The following TMEM65 variants were observed in gnomAD, a reference collection of about 807,000 sequenced individuals.
TMEM65 encodes the protein transmembrane protein 65.
Under a neutral mutation model 25.4 loss-of-function variants are expected in TMEM65, and 22 were observed. That is an observed-to-expected ratio of 0.86 (90% CI 0.62 to 1.23). The LOEUF is 1.23. Among genes scored for constraint, TMEM65 ranks in the 50% most tolerant of loss-of-function variants. The pLI, the probability that TMEM65 is intolerant of heterozygous loss-of-function variation, is 0.00. For synonymous variants in TMEM65, 132 were observed against 126.2 expected (o/e 1.05, Z -0.31); for missense variants, 262 against 308.2 (o/e 0.85, Z 1.12).
chr8:124,346,439 A>T (rs1554590292), intron 1 of TMEM65, among the ~76,000 whole-genome samples: 1 of 152,116 alleles, frequency 6.6e-6, no homozygotes, highest in African/African-American at 2.4e-5. Context: ...TATTTTTTTT[A>T]TTATGCTTTC....
At chr8:124,334,847 GAA>G (rs1179408436) in intron 1 of TMEM65, among the ~76,000 whole-genome samples, 1 of 148,978 alleles carries the variant, frequency 6.7e-6, no homozygotes, top group African/African-American at 2.5e-5. Flanking sequence ...GAAGGTGAGA[GAA>G]GAGTTAGTGA....
intron 6 of TMEM65, among the ~76,000 whole-genome samples, chr8:124,314,813 C>T (rs957364232): frequency 1.6e-4 from 24 of 151,694 alleles, no homozygotes; most frequent in Non-Finnish European, 4.4e-5. Flanking sequence ...ACACATGCCA[C>T]TATGCCTAGA....
chr8:124,360,429 C>CAAAAAA (rs55829098), intron 1 of TMEM65, among the ~76,000 whole-genome samples: 1 of 70,626 alleles, frequency 1.4e-5, no homozygotes, highest in Non-Finnish European at 2.8e-5. Context: ...GACTCTGTCA[C>CAAAAAA]AAAAAAAAAA....
intron 1 of TMEM65, among the ~76,000 whole-genome samples, chr8:124,344,601 T>C (rs777086756): frequency 6.6e-6 from 1 of 152,328 alleles, no homozygotes; most frequent in African/African-American, 2.4e-5. Flanking sequence ...TCTGGTATGA[T>C]AGAAAGTCAG....
intron 3 of TMEM65, among the ~76,000 whole-genome samples, chr8:124,325,776 G>A (rs1586458728): frequency 6.6e-6 from 1 of 152,012 alleles, no homozygotes; most frequent in East Asian, 1.9e-4. Flanking sequence ...GAATGTGGGT[G>A]TTTGGTTTGG....
chr8:124,366,250 T>C (rs1367486825), intron 1 of TMEM65, among the ~76,000 whole-genome samples: 2 of 152,126 alleles, frequency 1.3e-5, no homozygotes, highest in East Asian at 1.9e-4. Flanking sequence ...TAATACAAAG[T>C]CTTACAGCTT....
chr8:124,351,165 T>C (rs1814702422), intron 1 of TMEM65: 1 of 925,032 alleles, frequency 1.1e-6, no homozygotes, highest in Non-Finnish European at 1.3e-6. Flanking sequence ...ACAAAATAAA[T>C]AATATATATA....
At chr8:124,338,464 CAA>C (rs1449420100) in intron 1 of TMEM65, among the ~76,000 whole-genome samples, 9 of 152,010 alleles carry the variant, frequency 5.9e-5, no homozygotes, top group Admixed American at 5.9e-4. Context: ...CAAAGTATGT[CAA>C]GTTACCCCCA....
intron 3 of TMEM65, among the ~76,000 whole-genome samples, chr8:124,326,625 G>A (rs962583558): frequency 2.0e-5 from 3 of 151,982 alleles, no homozygotes; most frequent in South Asian, 4.1e-4. Context: ...ATAAGCTGTA[G>A]CTAACACTTG....
intron 1 of TMEM65, among the ~76,000 whole-genome samples, chr8:124,358,531 C>T (rs1342924805): frequency 6.6e-6 from 1 of 152,166 alleles, no homozygotes; most frequent in Non-Finnish European, 1.5e-5. Flanking sequence ...CTGTTCAAAC[C>T]ACATTCAAAT....
rs369177185 is a variant in TMEM65 at position 124,306,979 on chromosome 8, C to T, written c.*6981G>A. ...AAAAAAAAGTTAAAATTTATCAAAACTTAACGCATACACAGACTATACATT... is the reference window on the plus strand; with the variant it reads ...AAAAAAAAGTTAAAATTTATCAAAATTTAACGCATACACAGACTATACATT... On this transcript the variant is annotated 3_prime_UTR_variant, in exon 7 of 7. Transcript: ENST00000297632. The T allele has an allele frequency of 6.6e-6, 1 of 151,920 alleles. No homozygotes were observed. Among genetic ancestry groups the T allele is most frequent in the Admixed American group, 6.6e-5 (1 of 15,234 alleles). 9.4% of individuals were successfully genotyped at this position (151,920 alleles called of 1,614,324 possible). A position where few individuals can be genotyped will look rare whatever the true frequency, so the allele number is the denominator to read the frequency against.
intron 1 of TMEM65, among the ~76,000 whole-genome samples, chr8:124,333,466 TGTGC>T (rs1435801941): frequency 6.0e-5 from 5 of 83,180 alleles, no homozygotes; most frequent in Admixed American, 1.5e-4. Context: ...TGTGTGTGTG[TGTGC>T]GTGTGTGTGT....
chr8:124,348,748 T>C (rs1814671572), intron 1 of TMEM65, among the ~76,000 whole-genome samples: 1 of 152,194 alleles, frequency 6.6e-6, no homozygotes, highest in South Asian at 2.1e-4. Flanking sequence ...ATATATTACC[T>C]TCTTTTTCAA....
intron 1 of TMEM65, among the ~76,000 whole-genome samples, chr8:124,339,222 A>AAAAAAAAT (rs1563594368): frequency 2.0e-4 from 4 of 19,904 alleles, no homozygotes; most frequent in African/African-American, 5.3e-4. Context: ...AAAAAAAAAA[A>AAAAAAAAT]ATATATATAT....
intron 1 of TMEM65, among the ~76,000 whole-genome samples, chr8:124,368,537 T>C (rs1425735232): frequency 6.6e-6 from 1 of 152,266 alleles, no homozygotes; most frequent in Non-Finnish European, 1.5e-5. Flanking sequence ...GCTTCCAGCT[T>C]AGGTGCCCAC....
chr8:124,363,836 CAAAAAAAAAAAAAAA>C (rs869161640), intron 1 of TMEM65, among the ~76,000 whole-genome samples: 9 of 55,716 alleles, frequency 1.6e-4, no homozygotes, highest in South Asian at 9.9e-4. Context: ...GACTCCGTCT[CAAAAAAAAAAAAAAA>C]AAAAAAAAAA....
rs559280029 is a variant in TMEM65, at chr8:124,330,503, C to A, written c.349+245G>T. On this transcript the variant is annotated intron_variant, in intron 2 of 6. Coordinates refer to ENST00000297632, the MANE Select transcript of TMEM65 (RefSeq NM_194291.3). ...GAAAACTTCTATCATAAAAATAATT[C>A]TATTTCTAAATGGCAACAATATTTT... Among the ~76,000 whole-genome samples the A allele has an allele frequency of 1.2e-4, 18 of 151,944 alleles. 1 individual carries two copies. In the South Asian group the frequency reaches 3.7e-3, roughly 32 times the overall value.
intron 1 of TMEM65, among the ~76,000 whole-genome samples, chr8:124,353,176 C>G (rs6993858): frequency 0.9 from 136,827 of 152,062 alleles, 61,673 homozygotes; most frequent in East Asian, 1. Flanking sequence ...CTTCCACACA[C>G]TAAGGGGAAG....
rs765870655 is a variant in TMEM65, at chr8:124,322,076, T to G, written c.515+29A>C. 3.8e-6 allele frequency: 6 copies of G among 1,563,568 alleles called. 1 individual carries two copies. The South Asian group carries it at 6.9e-5, about 18-fold the overall frequency. On this transcript the variant is annotated intron_variant, in intron 5 of 6. Coordinates refer to ENST00000297632, the MANE Select transcript of TMEM65 (RefSeq NM_194291.3). ...GAACAGAAAGACAGCAAGTACAGAA[T>G]ATACAAATGAATAAGTGAATGAACC... is the stretch of plus-strand genomic sequence containing the variant.
Sources: allele counts gnomAD v4.1 joint callset (sites outside exome capture counted in the v4.1 genomes callset), GRCh38; gene constraint gnomAD v4.1.1; transcripts MANE v1.5; gene names NCBI Gene and HGNC (gene_info 2026-07-23, HGNC 2026-07-21).